PLEKHS1: variants seen among roughly 807,000 people sequenced by gnomAD.
The protein encoded by PLEKHS1 is pleckstrin homology domain containing S1.
In PLEKHS1, 55 loss-of-function variants were observed where a neutral mutation model predicts 51.0. The ratio of observed to expected loss-of-function variants is 1.08; its 90% CI spans 0.87 to 1.35. The LOEUF is 1.35. Among genes scored for constraint, PLEKHS1 ranks in the 40% most tolerant of loss-of-function variants. PLEKHS1 has a pLI of 0.00. For missense variants in PLEKHS1, 398 were observed against 423.0 expected, an observed-to-expected ratio of 0.94 and a Z score of 0.52; for synonymous variants, 153 against 144.8, an observed-to-expected ratio of 1.06 and a Z score of -0.41.
exon 2 of PLEKHS1, chr10:113,755,296 A>G (rs778992517): frequency 1.2e-6 from 2 of 1,609,464 alleles, no homozygotes; most frequent in South Asian, 1.1e-5. Flanking sequence ...CAAACCTCAG[A>G]AGAGTCCAGG....
chr10:113,755,353 T>A lies in PLEKHS1; in HGVS notation c.28+48T>A, dbSNP rs773842189. ...GAAGCAGAAATCTTTTTATTGAAAATGCCCCACGGTTTCCTTCAAGCTAAC... is the reference window on the plus strand; with the variant it reads ...GAAGCAGAAATCTTTTTATTGAAAAAGCCCCACGGTTTCCTTCAAGCTAAC... On this transcript the variant is annotated intron_variant, in intron 2 of 11. Coordinates refer to ENST00000361048, the Ensembl canonical transcript of PLEKHS1. 5.0e-6 allele frequency: 8 copies of A among 1,590,344 alleles called. 1 individual carries two copies. In the South Asian group the frequency reaches 9.3e-5, roughly 18 times the overall value.
intron 2 of PLEKHS1, among the ~76,000 whole-genome samples, chr10:113,756,857 T>C (rs1196519300): frequency 6.6e-6 from 1 of 151,790 alleles, no homozygotes; most frequent in Non-Finnish European, 1.5e-5. Context: ...GACAAGTAAC[T>C]GTTGAAGCAT....
At chr10:113,774,068 C>T (rs1027383426) in intron 8 of PLEKHS1, among the ~76,000 whole-genome samples, 159 bp from the exon 9 acceptor site, 2 of 152,128 alleles carry the variant, frequency 1.3e-5, no homozygotes, top group South Asian at 2.1e-4. Context: ...TTCAGTCTCG[C>T]GGAGGTAAGG....
At position 113,773,105 on chromosome 10, in the gene PLEKHS1, G is replaced by T. The variant is rs576861550; in HGVS notation, c.672+1016G>T. 2.8e-4 allele frequency among the ~76,000 whole-genome samples: 43 copies of T among 152,274 alleles called. No homozygotes were observed. The South Asian group carries it at 4.8e-3, about 17-fold the overall frequency. On this transcript the variant is annotated intron_variant, in intron 8 of 11. Coordinates refer to ENST00000361048, the Ensembl canonical transcript of PLEKHS1. ...GTTTATATAAAAGAAACATTCTGGG[G>T]TCAAATAAGTTCCGGAAACACCCAG...
exon 12 of PLEKHS1, chr10:113,780,747 T>C (rs1157072305): frequency 1.3e-6 from 2 of 1,583,278 alleles, no homozygotes; most frequent in East Asian, 2.3e-5. Flanking sequence ...AGTCCGGCCA[T>C]TAAAAAGAGC....
At chr10:113,767,062 G>C (rs1206754645) in intron 4 of PLEKHS1, among the ~76,000 whole-genome samples, 1 of 151,928 alleles carries the variant, frequency 6.6e-6, no homozygotes, top group African/African-American at 2.4e-5. Context: ...GCTTTTTTTG[G>C]TCTTCTCTTT....
intron 11 of PLEKHS1, 29 bp downstream of exon 12, chr10:113,777,288 G>A (rs1398234809): frequency 1.2e-6 from 2 of 1,611,206 alleles, no homozygotes; most frequent in Non-Finnish European, 1.7e-6. Flanking sequence ...CCCTGAACAG[G>A]GCAAATCAGT....
rs1402540970 is a variant in PLEKHS1, at chr10:113,766,515, G to A, written c.117+16G>A. On this transcript the variant is annotated intron_variant, in intron 3 of 11. Transcript: ENST00000361048. ...CTCCTCTGTGGTAAGTATTTGCTGT[G>A]ATTTAACAAGCCTCCCACCAGCCTC... The A allele has an allele frequency of 1.3e-6, 2 of 1,589,454 alleles. No homozygotes were observed. Among genetic ancestry groups the A allele is most frequent in the African/African-American group, 1.3e-5 (1 of 74,184 alleles).
At chr10:113,760,859 T>C (rs1020811293) in intron 2 of PLEKHS1, among the ~76,000 whole-genome samples, 1 of 152,218 alleles carries the variant, frequency 6.6e-6, no homozygotes, top group Non-Finnish European at 1.5e-5. Context: ...GTGCTTTTGG[T>C]ATCATATCTA....
intron 1 of PLEKHS1, among the ~76,000 whole-genome samples, chr10:113,753,665 A>G (rs2134455612): frequency 6.6e-6 from 1 of 152,302 alleles, no homozygotes; most frequent in African/African-American, 2.4e-5. Flanking sequence ...GGGGCAGGGT[A>G]GGTATGATTC....
At chr10:113,769,565 G>T (rs1251553433) in intron 6 of PLEKHS1, among the ~76,000 whole-genome samples, 1 of 152,192 alleles carries the variant, frequency 6.6e-6, no homozygotes, top group African/African-American at 2.4e-5. Flanking sequence ...GGAAACGCTG[G>T]TCATCTCTGA....
Position 113,774,126 on chromosome 10 carries a change from G to C in PLEKHS1, c.673-101G>C, listed in dbSNP as rs77707559. 10 of 682,512 alleles carry C rather than the reference G, an allele frequency of 1.5e-5. No homozygotes were observed. In the East Asian group the frequency reaches 2.7e-4, roughly 18 times the overall value. 42.3% of individuals were successfully genotyped at this position (682,512 alleles called of 1,614,324 possible). ...GAACCACGTTCATCCACTGGAAACT[G>C]TACCTCTATGTCAGAGCCCAGAGCT... On this transcript the variant is annotated intron_variant, in intron 8 of 11. Transcript: ENST00000361048.
intron 8 of PLEKHS1, among the ~76,000 whole-genome samples, chr10:113,773,270 T>A (rs1028617720): frequency 4.6e-5 from 7 of 152,208 alleles, no homozygotes; most frequent in Non-Finnish European, 1.0e-4. Context: ...TTCACCAAAA[T>A]ATTTTCATAT....
At chr10:113,772,905 T>C (rs1844477377) in intron 8 of PLEKHS1, among the ~76,000 whole-genome samples, 1 of 152,228 alleles carries the variant, frequency 6.6e-6, no homozygotes, top group African/African-American at 2.4e-5. Context: ...CGATGGCTTC[T>C]GAGTTGGGAA....
chr10:113,761,895 G>A (rs972685392), intron 2 of PLEKHS1, among the ~76,000 whole-genome samples: 3 of 151,930 alleles, frequency 2.0e-5, no homozygotes, highest in Non-Finnish European at 4.4e-5. Flanking sequence ...GCTTTGTGTA[G>A]AATTGATTAT....
Position 113,774,913 on chromosome 10 carries a change from C to T in PLEKHS1, c.867C>T (p.His289=). The change falls in exon 10 of 12, where the codon CAC becomes CAT. Residue 289 remains histidine (H), a synonymous_variant. Coordinates refer to ENST00000361048, the Ensembl canonical transcript of PLEKHS1. ...CAGAGACCCAGGATGGGGACCTCCA[C>T]CTGCAAGAACAAGGCTCAGGAATTG... The T allele has an allele frequency of 1.9e-6, 3 of 1,614,148 alleles. No individual in the cohort carries two copies. The highest frequency in any genetic ancestry group is 1.3e-5 in the African/African-American group (1 of 75,034).
At chr10:113,766,418 A>G (rs10885500) in exon 3 of PLEKHS1, 587,419 of 1,562,382 alleles carry the variant, frequency 0.38, 117,989 homozygotes, top group Admixed American at 0.48. Flanking sequence ...TAGGCAAACA[A>G]TTTACATTTT....
intron 11 of PLEKHS1, 84 bp from the exon 12 acceptor site, chr10:113,777,040 C>A: frequency 6.6e-7 from 1 of 1,518,424 alleles, no homozygotes; most frequent in Middle Eastern, 2.3e-4. Flanking sequence ...TGCCACGTGA[C>A]CTAGAATCAG....
chr10:113,780,724 A>G (rs1259158408), exon 12 of PLEKHS1: 1 of 1,605,826 alleles, frequency 6.2e-7, no homozygotes, highest in Admixed American at 1.7e-5. Context: ...GACTGAACAG[A>G]GCTCCCAAGA....
Sources: allele counts gnomAD v4.1 joint callset (sites outside exome capture counted in the v4.1 genomes callset), GRCh38; gene constraint gnomAD v4.1.1; transcripts MANE v1.5; gene names NCBI Gene and HGNC (gene_info 2026-07-23, HGNC 2026-07-21).